Variants in EBF2 observed in about 807,000 individuals in gnomAD.
EBF2 encodes the protein transcription factor COE2.
In EBF2, 21 loss-of-function variants were observed where a neutral mutation model predicts 72.8. That is an observed-to-expected ratio of 0.29 (90% CI 0.20 to 0.42). The LOEUF is 0.42. Among genes scored for constraint, EBF2 ranks in the 10% least tolerant of loss-of-function variants. The pLI, the probability that EBF2 is intolerant of heterozygous loss-of-function variation, is 1.00. For synonymous variants in EBF2, 299 were observed against 274.2 expected, an observed-to-expected ratio of 1.09 and a Z score of -0.89; for missense variants, 637 against 731.2, an observed-to-expected ratio of 0.87 and a Z score of 1.49.
At chr8:25,977,269 G>A (rs1414964607) in intron 6 of EBF2, among the ~76,000 whole-genome samples, 3 of 152,126 alleles carry the variant, frequency 2.0e-5, no homozygotes, top group African/African-American at 2.4e-5. Context: ...TGCTCCCAGC[G>A]GGTCAGGTAC....
chr8:25,897,051 A>T (rs961229816), intron 7 of EBF2, among the ~76,000 whole-genome samples: 6 of 152,172 alleles, frequency 3.9e-5, no homozygotes, highest in Non-Finnish European at 8.8e-5. Flanking sequence ...GCTGTTTCAT[A>T]TTCCCGAAGG....
At chr8:25,920,775 T>C (rs2117134202) in intron 6 of EBF2, among the ~76,000 whole-genome samples, 1 of 152,296 alleles carries the variant, frequency 6.6e-6, no homozygotes, top group African/African-American at 2.4e-5. Context: ...GCAGGAGGAT[T>C]TTCCTCCATT....
intron 6 of EBF2, among the ~76,000 whole-genome samples, chr8:25,947,285 A>C (rs1434733279): frequency 6.6e-6 from 1 of 152,184 alleles, no homozygotes; most frequent in Non-Finnish European, 1.5e-5. Context: ...GTTCCCCTGC[A>C]CATGCTTTCT....
chr8:25,946,893 A>C (rs1487879318), intron 6 of EBF2, among the ~76,000 whole-genome samples: 1 of 152,182 alleles, frequency 6.6e-6, no homozygotes, highest in Admixed American at 6.5e-5. Context: ...ACTGTAGTGG[A>C]GAGGGTTAGT....
At chr8:25,961,623 AG>A (rs147045705) in intron 6 of EBF2, among the ~76,000 whole-genome samples, 2 of 152,284 alleles carry the variant, frequency 1.3e-5, no homozygotes, top group Non-Finnish European at 2.9e-5. Context: ...GGCCTCCCAA[AG>A]TGCTGGGATT....
At chr8:25,995,176 C>T (rs571216597) in intron 6 of EBF2, among the ~76,000 whole-genome samples, 3 of 152,168 alleles carry the variant, frequency 2.0e-5, no homozygotes, top group Non-Finnish European at 4.4e-5. Flanking sequence ...CGTGGTGGTG[C>T]ATGCCTGTAA....
rs759613229 is a variant in EBF2, at chr8:25,962,104, C to T, written c.552-53549G>A. Reference sequence around the variant, plus strand: ...GGAGGAACGTGCATTCTGAATGCCACGTACACGTCTTACTTGTTTTCTTCT... The same window carrying T: ...GGAGGAACGTGCATTCTGAATGCCATGTACACGTCTTACTTGTTTTCTTCT... On this transcript the variant is annotated intron_variant, in intron 6 of 15. Coordinates refer to ENST00000520164, the MANE Select transcript of EBF2 (RefSeq NM_022659.4). Among the ~76,000 whole-genome samples the T allele has an allele frequency of 3.3e-5, 5 of 152,048 alleles. No individual in the cohort carries two copies. The East Asian group carries it at 5.8e-4, about 18-fold the overall frequency.
intron 6 of EBF2, among the ~76,000 whole-genome samples, chr8:25,921,469 C>G (rs1274227777): frequency 2.0e-5 from 3 of 152,162 alleles, no homozygotes; most frequent in Admixed American, 2.0e-4. Context: ...TCACATCGGT[C>G]TAAGCTCTAC....
intron 6 of EBF2, among the ~76,000 whole-genome samples, chr8:26,029,796 G>A (rs149791215): frequency 6.6e-6 from 1 of 152,288 alleles, no homozygotes; most frequent in African/African-American, 2.4e-5. Context: ...GGCTTGTAAG[G>A]GAACTCACGG....
At chr8:25,954,839 T>C (rs1803917697) in intron 6 of EBF2, among the ~76,000 whole-genome samples, 1 of 152,202 alleles carries the variant, frequency 6.6e-6, no homozygotes, top group Non-Finnish European at 1.5e-5. Flanking sequence ...ACATGGATAC[T>C]CAGTGCACTT....
At chr8:25,915,282 G>GAA (rs201070548) in intron 6 of EBF2, among the ~76,000 whole-genome samples, 29 of 139,454 alleles carry the variant, frequency 2.1e-4, no homozygotes, top group African/African-American at 7.1e-4. Context: ...CCAAGCTTTG[G>GAA]AAAAAAAAAA....
chr8:25,865,023 G>A (rs765470289), intron 10 of EBF2, among the ~76,000 whole-genome samples: 95 of 151,992 alleles, frequency 6.3e-4, no homozygotes, highest in South Asian at 1.9e-3. Flanking sequence ...GGTTGGTCCC[G>A]AACTCCTGAC....
chr8:25,922,748 T>A (rs1803324671), intron 6 of EBF2, among the ~76,000 whole-genome samples: 1 of 152,202 alleles, frequency 6.6e-6, no homozygotes, highest in Admixed American at 6.5e-5. Flanking sequence ...TCTCAAGCTC[T>A]TTTTGGAATG....
chr8:26,012,196 G>A (rs923417900), intron 6 of EBF2, among the ~76,000 whole-genome samples: 5 of 152,100 alleles, frequency 3.3e-5, no homozygotes, highest in Non-Finnish European at 5.9e-5. Flanking sequence ...GTCCAAAGGT[G>A]GGTTGGGGGA....
At chr8:25,948,233 G>A (rs951226938) in intron 6 of EBF2, among the ~76,000 whole-genome samples, 21 of 152,282 alleles carry the variant, frequency 1.4e-4, no homozygotes, top group Non-Finnish European at 1.9e-4. Flanking sequence ...AAGGTGCACC[G>A]TCTTTCCTGC....
chr8:26,018,092 G>T (rs533933255), intron 6 of EBF2, among the ~76,000 whole-genome samples: 1 of 151,076 alleles, frequency 6.6e-6, no homozygotes, highest in Admixed American at 6.6e-5. Context: ...GGGAGACAAC[G>T]GACCTCATAG....
At chr8:25,952,119 C>T (rs572858727) in intron 6 of EBF2, among the ~76,000 whole-genome samples, 12 of 151,922 alleles carry the variant, frequency 7.9e-5, no homozygotes, top group South Asian at 6.2e-4. Context: ...AGAGTGAGAC[C>T]GTGTATCTAC....
chr8:25,907,507 G>GT (rs139360239), intron 7 of EBF2, among the ~76,000 whole-genome samples: 7,691 of 148,664 alleles, frequency 0.052, 238 homozygotes, highest in Middle Eastern at 0.091. Flanking sequence ...CAGCTGCAAC[G>GT]TGTCGCATGC....
intron 6 of EBF2, among the ~76,000 whole-genome samples, chr8:25,977,200 G>A (rs62499105): frequency 0.097 from 14,771 of 152,208 alleles, 885 homozygotes; most frequent in Non-Finnish European, 0.13. Context: ...AGTGGCTCGG[G>A]GTACAGTGAA....
Sources: gnomAD v4.1 joint callset for allele counts (sites outside exome capture counted in the v4.1 genomes callset) on GRCh38, gnomAD v4.1.1 for gene constraint, MANE v1.5 for transcripts, NCBI Gene and HGNC (gene_info 2026-07-23, HGNC 2026-07-21) for gene names.